The following LPL variants were observed in gnomAD, a reference collection of about 807,000 sequenced individuals.
LPL encodes phospholipase A1.
Under a neutral mutation model 52.2 loss-of-function variants are expected in LPL, and 43 were observed. That is an observed-to-expected ratio of 0.82 (90% CI 0.64 to 1.06). The LOEUF is 1.06. Among genes scored for constraint, LPL ranks in the 50% least tolerant of loss-of-function variants. The pLI, the probability that LPL is intolerant of heterozygous loss-of-function variation, is 0.00. For synonymous variants in LPL, 244 were observed against 215.6 expected (o/e 1.13, Z -1.15); for missense variants, 639 against 585.3 (o/e 1.09, Z -0.95).
chr8:19,951,226 G>T (rs7002728), intron 2 of LPL, among the ~76,000 whole-genome samples: 5,718 of 152,214 alleles, frequency 0.038, 361 homozygotes, highest in African/African-American at 0.13. Flanking sequence ...TTAAGTACAG[G>T]GTTCCCATTG....
Position 19,939,500 on chromosome 8 carries a change from C to T in LPL, c.60C>T (p.Ala20=), listed in dbSNP as rs1215798253. 2.5e-6 allele frequency: 4 copies of T among 1,610,412 alleles called. No individual in the cohort carries two copies. The African/African-American group carries it at 5.3e-5, about 21-fold the overall frequency. The change falls in exon 1 of 10, where the codon GCC becomes GCT. Residue 20 remains alanine (A), a synonymous_variant. Coordinates refer to ENST00000650287, the MANE Select transcript of LPL (RefSeq NM_000237.3). This position sits in a 1 kb window ranked among gnomAD's most constrained non-coding sequence, Gnocchi z 4.0. ...TLAVWLQSLT[A]SRGGVAAADQ... The stretch of plus-strand genomic sequence containing the variant: ...CCGTGTGGCTCCAGAGTCTGACCGC[C>T]TCCCGCGGAGGGGTGGCCGCCGCCG...
In LPL at chr8:19,939,449, C is replaced by T. The variant is rs962085823; in HGVS notation, c.9C>T (p.Ser3=). The change falls in exon 1 of 10, where the codon AGC becomes AGT. Residue 3 remains serine, a synonymous_variant. Transcript: ENST00000650287. This position sits in a 1 kb window ranked among gnomAD's most constrained non-coding sequence, Gnocchi z 4.0. ME[S]KALLVLTLAV... is the part of the protein sequence containing the mutation. ...GAGGGACGCGCCCCGAGATGGAGAG[C>T]AAAGCCCTGCTCGTGCTGACTCTGG... 1.2e-6 allele frequency: 2 copies of T among 1,609,812 alleles called. No homozygotes were observed. The highest frequency in any genetic ancestry group is 1.3e-5 in the African/African-American group (1 of 74,904).
chr8:19,963,222 G>A (rs1226100517), intron 9 of LPL, among the ~76,000 whole-genome samples: 1 of 152,184 alleles, frequency 6.6e-6, no homozygotes, highest in African/African-American at 2.4e-5. Flanking sequence ...GATCACCTGA[G>A]GTCAGGAGTT....
chr8:19,961,787 C>T (rs977262272), intron 8 of LPL, among the ~76,000 whole-genome samples: 1 of 151,956 alleles, frequency 6.6e-6, no homozygotes, highest in African/African-American at 2.4e-5. Context: ...AAGGCAGATG[C>T]CCTAATTCCT....
intron 2 of LPL, among the ~76,000 whole-genome samples, chr8:19,948,765 C>T (rs905802553): frequency 3.3e-5 from 5 of 152,106 alleles, no homozygotes; most frequent in Admixed American, 3.3e-4. Flanking sequence ...GGAAGTGTGG[C>T]GTCCATGCTG....
chr8:19,955,806 C>T, intron 5 of LPL, 35 bp from the exon 6 acceptor site: 1 of 1,613,940 alleles, frequency 6.2e-7, no homozygotes. Flanking sequence ...TGAATTTCTG[C>T]CGAGATACAA....
At chr8:19,948,100 G>A in intron 1 of LPL, 80 bp from the exon 2 acceptor site, 2 of 1,469,324 alleles carry the variant, frequency 1.4e-6, no homozygotes, top group Non-Finnish European at 1.9e-6. Flanking sequence ...GTGGTTGCCT[G>A]TGAACCTAAA....
chr8:19,942,517 T>C (rs2069849650), intron 1 of LPL, among the ~76,000 whole-genome samples: 2 of 152,228 alleles, frequency 1.3e-5, no homozygotes, highest in African/African-American at 4.8e-5. Flanking sequence ...GTGTAAAGCT[T>C]TGGGATCATC....
chr8:19,959,039 C>G (rs1010764575), intron 6 of LPL, among the ~76,000 whole-genome samples: 2 of 152,072 alleles, frequency 1.3e-5, no homozygotes, highest in African/African-American at 4.8e-5. Context: ...ATGCATATAA[C>G]CACACTTTTC....
At chr8:19,956,175 A>G (rs2128838608) in intron 6 of LPL, 92 bp downstream of exon 6, 1 of 1,560,020 alleles carries the variant, frequency 6.4e-7, no homozygotes, top group Non-Finnish European at 8.8e-7. Flanking sequence ...CCATTGGAAC[A>G]GAGATGATGA....
At chr8:19,952,067 T>A (rs1326815669) in intron 3 of LPL, 119 bp downstream of exon 3, 1 of 1,123,410 alleles carries the variant, frequency 8.9e-7, no homozygotes, top group Admixed American at 2.0e-5. Flanking sequence ...GGCATTCAAA[T>A]CTTCAGAATC....
intron 7 of LPL, 120 bp from the exon 8 acceptor site, chr8:19,960,781 T>G: frequency 1.4e-6 from 1 of 729,526 alleles, no homozygotes; most frequent in Non-Finnish European, 2.4e-6. Context: ...GACATTTTTG[T>G]GCATTTTTAA....
chr8:19,939,818 G>A lies in LPL; in HGVS notation c.88+290G>A, dbSNP rs1293614179. ...TGGGACCGCGTTCCCGGGCTCGCAGGCTCCGCCGGGGAGGTTCCGGGGTGT... is the reference window on the plus strand; with the variant it reads ...TGGGACCGCGTTCCCGGGCTCGCAGACTCCGCCGGGGAGGTTCCGGGGTGT... On this transcript the variant is annotated intron_variant, in intron 1 of 9. Coordinates refer to ENST00000650287, the MANE Select transcript of LPL (RefSeq NM_000237.3). This position sits in a 1 kb window ranked among gnomAD's most constrained non-coding sequence, Gnocchi z 4.0. Among the ~76,000 whole-genome samples, 1 of 152,208 alleles carries A rather than the reference G, an allele frequency of 6.6e-6. No individual in the cohort carries two copies. The highest frequency in any genetic ancestry group is 6.5e-5 in the Admixed American group (1 of 15,290).
chr8:19,957,621 C>T (rs2069998319), intron 6 of LPL, among the ~76,000 whole-genome samples: 2 of 152,204 alleles, frequency 1.3e-5, no homozygotes, highest in Admixed American at 6.5e-5. Context: ...TCTGGCCTGT[C>T]CTGCTGCCTG....
intron 1 of LPL, among the ~76,000 whole-genome samples, chr8:19,942,556 T>G (rs2069850046): frequency 6.6e-6 from 1 of 152,192 alleles, no homozygotes; most frequent in South Asian, 2.1e-4. Flanking sequence ...GTCACCACAG[T>G]GAACTAAATA....
intron 1 of LPL, among the ~76,000 whole-genome samples, chr8:19,941,066 T>C (rs2069834821): frequency 6.6e-6 from 1 of 152,214 alleles, no homozygotes; most frequent in Non-Finnish European, 1.5e-5. Context: ...CACTTCATCC[T>C]GGGTGACAGT....
At chr8:19,954,051 G>A (rs887486260) in intron 4 of LPL, 69 bp from the exon 5 acceptor site, 1 of 1,030,476 alleles carries the variant, frequency 9.7e-7, no homozygotes, top group African/African-American at 1.6e-5. Context: ...CAAATGATGA[G>A]CAGTGACATG....
intron 8 of LPL, among the ~76,000 whole-genome samples, chr8:19,961,865 A>T (rs1418560139): frequency 6.6e-6 from 1 of 152,186 alleles, no homozygotes; most frequent in Non-Finnish European, 1.5e-5. Context: ...CAGTAACATA[A>T]GACTGCTCTA....
intron 7 of LPL, among the ~76,000 whole-genome samples, chr8:19,959,777 CTTTTTTTTTT>C (rs71205952): frequency 4.6e-4 from 30 of 65,132 alleles, no homozygotes; most frequent in African/African-American, 1.7e-3. Flanking sequence ...AGTGTTAGCT[CTTTTTTTTTT>C]TTTTTTTTTT....
Sources: gnomAD v4.1 joint callset for allele counts (sites outside exome capture counted in the v4.1 genomes callset) on GRCh38, gnomAD v4.1.1 for gene constraint, Gnocchi (gnomAD v3.1) non-coding constraint, MANE v1.5 for transcripts, NCBI Gene and HGNC (gene_info 2026-07-23, HGNC 2026-07-21) for gene names.